CCDC149: variants seen among roughly 807,000 people sequenced by gnomAD.
CCDC149 encodes coiled-coil domain containing 149, also known as coiled-coil domain-containing protein 149.
Under a neutral mutation model 59.9 loss-of-function variants are expected in CCDC149, and 45 were observed. That is an observed-to-expected ratio of 0.75 (90% CI 0.59 to 0.96). The LOEUF is 0.96. Ranked by LOEUF, CCDC149 falls within the 40% of genes least tolerant of loss-of-function variation. CCDC149 has a pLI of 0.00. For synonymous variants in CCDC149, 245 were observed against 260.6 expected, an observed-to-expected ratio of 0.94 and a Z score of 0.58; for missense variants, 584 against 664.7, an observed-to-expected ratio of 0.88 and a Z score of 1.33.
chr4:24,887,886 A>G (rs1345020662), intron 1 of CCDC149, among the ~76,000 whole-genome samples: 1 of 151,632 alleles, frequency 6.6e-6, no homozygotes, highest in East Asian at 1.9e-4. Context: ...CACCTCTCCA[A>G]CTTCATCATC....
At chr4:24,883,944 CTACATT>C (rs1720003919) in intron 1 of CCDC149, among the ~76,000 whole-genome samples, 1 of 152,168 alleles carries the variant, frequency 6.6e-6, no homozygotes, top group Admixed American at 6.6e-5. Flanking sequence ...TTTTACTATT[CTACATT>C]GGCACCAAAT....
chr4:24,883,917 TAC>T (rs544896576), intron 1 of CCDC149, among the ~76,000 whole-genome samples: 3 of 152,184 alleles, frequency 2.0e-5, no homozygotes, highest in Non-Finnish European at 4.4e-5. Flanking sequence ...AACTTTCCAT[TAC>T]ACATTCCAGG....
chr4:24,898,123 G>A (rs1720945962), intron 1 of CCDC149, among the ~76,000 whole-genome samples: 1 of 152,186 alleles, frequency 6.6e-6, no homozygotes, highest in Non-Finnish European at 1.5e-5. Flanking sequence ...GTCAGCAGCT[G>A]ACACATCACC....
intron 1 of CCDC149, among the ~76,000 whole-genome samples, chr4:24,900,113 C>T (rs898844459): frequency 2.0e-5 from 3 of 152,210 alleles, no homozygotes; most frequent in African/African-American, 7.2e-5. Context: ...TATCACAATG[C>T]ATATCACAGC....
chr4:24,877,754 T>C (rs1577441090), intron 1 of CCDC149, among the ~76,000 whole-genome samples: 1 of 152,190 alleles, frequency 6.6e-6, no homozygotes, highest in Admixed American at 6.5e-5. Context: ...TTGGAATTCT[T>C]GCCTCAGAGT....
In CCDC149 at chr4:24,808,674, G is replaced by T; in HGVS notation, c.1338C>A (p.Pro446=). ...TTACTTCTTCCTCAGAAGGTAACTG[G>T]GGTAATGAAGGATGAAAGAGCTTGC... The change falls in exon 13 of 13, where the codon CCC becomes CCA. Residue 446 remains proline, a synonymous_variant. Transcript: ENST00000635206. The T allele has an allele frequency of 6.4e-7, 1 of 1,552,402 alleles. No individual in the cohort carries two copies. Among genetic ancestry groups the T allele is most frequent in the Non-Finnish European group, 8.7e-7 (1 of 1,147,156 alleles).
intron 1 of CCDC149, 47 bp from the exon 2 acceptor site, chr4:24,876,744 C>T: frequency 4.5e-6 from 7 of 1,550,452 alleles, no homozygotes; most frequent in Non-Finnish European, 6.1e-6. Context: ...CATCCATGGG[C>T]CTCCATTAAA....
chr4:24,961,513 G>C (rs1454156939), intron 1 of CCDC149, among the ~76,000 whole-genome samples: 3 of 152,064 alleles, frequency 2.0e-5, no homozygotes, highest in Admixed American at 2.0e-4. Context: ...TCAATCCTAA[G>C]CCAAAATAAC....
At chr4:24,912,721 C>T (rs1169107753) in intron 1 of CCDC149, 96 bp downstream of exon 1, 4 of 898,496 alleles carry the variant, frequency 4.5e-6, no homozygotes, top group Non-Finnish European at 4.2e-6. Context: ...GCGCCCCCCT[C>T]TCGTCCCTCC....
chr4:24,822,586 G>A lies in CCDC149; in HGVS notation c.966-13C>T. ...ATTCCCTAGGATTCTGAAAAAAGGG[G>A]AGAAAATGACAATCAATTACTGAGC... On this transcript the variant is annotated splice_polypyrimidine_tract_variant and intron_variant, in intron 9 of 12. Transcript: ENST00000635206. The A allele has an allele frequency of 6.6e-7, 1 of 1,525,918 alleles. No homozygotes were observed. Among genetic ancestry groups the A allele is most frequent in the Non-Finnish European group, 8.8e-7 (1 of 1,135,080 alleles). The allele number at this position is 1,525,918 out of a possible 1,614,324, so 94.5% of individuals were successfully genotyped here. A position where few individuals can be genotyped will look rare whatever the true frequency, so the allele number is the denominator to read the frequency against.
At position 24,837,534 on chromosome 4, in the gene CCDC149, A is replaced by G; in HGVS notation, c.490-134T>C. ...ACTACCCGCATGCCCTAAAGCCATA[A>G]GCGCCACACACTGAAATACAATAAC... On this transcript the variant is annotated intron_variant, in intron 5 of 12. Coordinates refer to ENST00000635206, the MANE Select transcript of CCDC149 (RefSeq NM_001330643.2). The surrounding 1 kb of genome is among the most constrained non-coding windows in gnomAD (Gnocchi z 4.3). 1 of 712,456 alleles carries G rather than the reference A, an allele frequency of 1.4e-6. No homozygotes were observed. Among genetic ancestry groups the G allele is most frequent in the Non-Finnish European group, 2.3e-6 (1 of 430,736 alleles). The allele number at this position is 712,456 out of a possible 1,614,324, so 44.1% of individuals were successfully genotyped here.
At chr4:24,913,764 T>G (rs1168805244), upstream of CCDC149, among the ~76,000 whole-genome samples, 3 of 152,024 alleles carry the variant, frequency 2.0e-5, no homozygotes, top group Non-Finnish European at 4.4e-5. Context: ...GGCCACAAAG[T>G]GACACACCCC....
At position 24,873,391 on chromosome 4, in the gene CCDC149, G is replaced by A. The variant is rs375962569; in HGVS notation, c.264+290C>T. Among the ~76,000 whole-genome samples the A allele has an allele frequency of 2.0e-5, 3 of 152,358 alleles. No individual in the cohort carries two copies. In the East Asian group the frequency reaches 5.8e-4, roughly 29 times the overall value. On this transcript the variant is annotated intron_variant, in intron 3 of 12. Coordinates refer to ENST00000635206, the MANE Select transcript of CCDC149 (RefSeq NM_001330643.2). ...GCCCACAGCACGTGCCCACTGAACA[G>A]TAGGTAGCTCAAGTCCTGTAACCAT...
At chr4:24,922,477 T>G (rs1215931471) in intron 1 of CCDC149, among the ~76,000 whole-genome samples, 1 of 152,238 alleles carries the variant, frequency 6.6e-6, no homozygotes, top group Non-Finnish European at 1.5e-5. Flanking sequence ...CCAGATCATT[T>G]TGATACCTAG....
chr4:24,848,501 G>A (rs769279278), intron 4 of CCDC149, among the ~76,000 whole-genome samples: 6 of 152,016 alleles, frequency 3.9e-5, no homozygotes, highest in African/African-American at 4.8e-5. Flanking sequence ...CCCGGGAGGC[G>A]GAGGTTGCAG....
In CCDC149 at chr4:24,834,995, C is replaced by A; in HGVS notation, c.773G>T (p.Gly258Val). ...TGTCAGAGCACTGCTGCTGGATTTA[C>A]CCTGGCCCTTCGAGTTTTTCCGTCT... is the stretch of plus-strand genomic sequence containing the variant. Residue 258 changes from glycine to valine, a missense_variant, in exon 8 of 13, where the codon GGT becomes GTT. By Grantham distance (109) the Gly-to-Val change is moderately radical. Transcript: ENST00000635206. 1 of 1,614,080 alleles carries A rather than the reference C, an allele frequency of 6.2e-7. No individual in the cohort carries two copies. Among genetic ancestry groups the A allele is most frequent in the South Asian group, 1.1e-5 (1 of 91,064 alleles).
At chr4:24,832,683 A>T (rs1716237204) in intron 8 of CCDC149, among the ~76,000 whole-genome samples, 1 of 152,218 alleles carries the variant, frequency 6.6e-6, no homozygotes, top group African/African-American at 2.4e-5. Context: ...TGTCACTTAC[A>T]AATATATAAA....
chr4:24,861,041 G>A (rs892027034), intron 3 of CCDC149, among the ~76,000 whole-genome samples: 1 of 152,118 alleles, frequency 6.6e-6, no homozygotes, highest in African/African-American at 2.4e-5. Flanking sequence ...AACCACTATG[G>A]AAAACAGTAT....
Position 24,902,117 on chromosome 4 carries a change from C to T in CCDC149, c.63+10700G>A, listed in dbSNP as rs1032792120. Among the ~76,000 whole-genome samples, 5 of 152,228 alleles carry T rather than the reference C, an allele frequency of 3.3e-5. No individual in the cohort carries two copies. The South Asian group carries it at 1.0e-3, about 32-fold the overall frequency. On this transcript the variant is annotated intron_variant, in intron 1 of 12. Coordinates refer to ENST00000635206, the MANE Select transcript of CCDC149 (RefSeq NM_001330643.2). ...AAGTCAAGGGTTAGGTTGAAAACTA[C>T]ACGATAAGTGGTAGGACTTAGGTGC...
Sources: allele counts gnomAD v4.1 joint callset (sites outside exome capture counted in the v4.1 genomes callset), GRCh38; gene constraint gnomAD v4.1.1; non-coding constraint Gnocchi (gnomAD v3.1); transcripts MANE v1.5; gene names NCBI Gene and HGNC (gene_info 2026-07-23, HGNC 2026-07-21).